Variants in DNAH7 observed in about 807,000 individuals in gnomAD.
DNAH7 encodes the protein axonemal beta dynein heavy chain 7.
A neutral mutation model predicts 444.6 loss-of-function variants in DNAH7; 397 were observed. The observed-to-expected ratio is 0.89, with a 90% CI of 0.82 to 0.97. The LOEUF (loss-of-function observed/expected upper bound fraction) is 0.97, where lower values mean the gene tolerates loss of function less well. Among genes scored for constraint, DNAH7 ranks in the 50% least tolerant of loss-of-function variants. The pLI is 0.00. For missense variants in DNAH7, 4,902 were observed against 4,800.8 expected, an observed-to-expected ratio of 1.02 and a Z score of -0.62; for synonymous variants, 1,636 against 1,624.4, an observed-to-expected ratio of 1.01 and a Z score of -0.17.
intron 1 of DNAH7, among the ~76,000 whole-genome samples, chr2:196,064,891 C>T (rs1309282005): frequency 6.6e-6 from 1 of 152,072 alleles, no homozygotes; most frequent in Non-Finnish European, 1.5e-5. Flanking sequence ...CAGCGAACTC[C>T]TTGGGCATGT....
intron 11 of DNAH7, 32 bp from the exon 12 acceptor site, chr2:196,000,915 ATATG>A (rs747521367): frequency 6.7e-7 from 1 of 1,491,312 alleles, no homozygotes; most frequent in African/African-American, 1.4e-5. Context: ...ACATACATAA[ATATG>A]TATGAATTGT....
At chr2:195,948,505 C>T (rs1000992877) in intron 19 of DNAH7, among the ~76,000 whole-genome samples, 2 of 152,138 alleles carry the variant, frequency 1.3e-5, no homozygotes, top group African/African-American at 2.4e-5. Context: ...CAGTTTTCTG[C>T]CTATGGCTAG....
intron 55 of DNAH7, among the ~76,000 whole-genome samples, chr2:195,797,621 A>G (rs1696222581): frequency 6.6e-6 from 1 of 152,180 alleles, no homozygotes; most frequent in African/African-American, 2.4e-5. Context: ...GAACACTTCC[A>G]CCATTCCCAC....
intron 31 of DNAH7, 115 bp downstream of exon 31, chr2:195,891,540 A>T: frequency 1.0e-6 from 1 of 988,994 alleles, no homozygotes; most frequent in Non-Finnish European, 1.4e-6. Flanking sequence ...ACTGTGTTTT[A>T]AATAATATCT....
Position 195,802,624 on chromosome 2 carries a change from G to A in DNAH7, c.10177-3152C>T, listed in dbSNP as rs147619386. Among the ~76,000 whole-genome samples the A allele has an allele frequency of 2.6e-3, 394 of 151,980 alleles. 1 individual carries two copies. Among genetic ancestry groups the A allele is most frequent in the Non-Finnish European group, 4.3e-3 (291 of 67,970 alleles). On this transcript the variant is annotated intron_variant, in intron 54 of 64. Coordinates refer to ENST00000312428, the MANE Select transcript of DNAH7 (RefSeq NM_018897.3). Reference sequence around the variant, plus strand: ...GTGGAGGTTGCACTGAGAGGAGATGGTGCCACTGCATTCCAGCCTGGGTGA... The same window carrying A: ...GTGGAGGTTGCACTGAGAGGAGATGATGCCACTGCATTCCAGCCTGGGTGA...
intron 53 of DNAH7, among the ~76,000 whole-genome samples, 168 bp from the exon 54 acceptor site, chr2:195,807,000 AGTT>A (rs1353346890): frequency 6.6e-6 from 1 of 152,078 alleles, no homozygotes; most frequent in Non-Finnish European, 1.5e-5. Context: ...TAATAAGAAA[AGTT>A]AATATTCTTT....
At chr2:196,021,389 T>C (rs556641838) in intron 8 of DNAH7, among the ~76,000 whole-genome samples, 3 of 152,294 alleles carry the variant, frequency 2.0e-5, no homozygotes, top group African/African-American at 7.2e-5. Context: ...TATTGCAAGT[T>C]TGGTTCAAGA....
intron 21 of DNAH7, among the ~76,000 whole-genome samples, chr2:195,934,297 T>A (rs984326637): frequency 1.3e-5 from 2 of 152,122 alleles, no homozygotes; most frequent in Non-Finnish European, 2.9e-5. Context: ...TAGAACAAAG[T>A]GTATCTAATT....
chr2:196,044,799 G>T (rs1696997418), intron 5 of DNAH7, among the ~76,000 whole-genome samples: 1 of 152,070 alleles, frequency 6.6e-6, no homozygotes, highest in African/African-American at 2.4e-5. Flanking sequence ...CAGACACAGT[G>T]GCTCACACCT....
At chr2:196,052,746 G>T (rs1339187927) in intron 2 of DNAH7, among the ~76,000 whole-genome samples, 2 of 152,274 alleles carry the variant, frequency 1.3e-5, no homozygotes, top group South Asian at 2.1e-4. Flanking sequence ...AAAGAAAAAG[G>T]GTGGAGCTAA....
intron 10 of DNAH7, among the ~76,000 whole-genome samples, chr2:196,010,358 T>C (rs917189031): frequency 5.3e-5 from 8 of 151,920 alleles, no homozygotes; most frequent in African/African-American, 1.9e-4. Context: ...CCATGTTGAT[T>C]GTGGTTTCAA....
chr2:195,882,421 A>G (rs1701439275), intron 35 of DNAH7, among the ~76,000 whole-genome samples: 1 of 152,242 alleles, frequency 6.6e-6, no homozygotes, highest in Admixed American at 6.5e-5. Flanking sequence ...AACAGTATTT[A>G]TAACATTAGC....
intron 8 of DNAH7, among the ~76,000 whole-genome samples, chr2:196,024,211 C>T (rs1179254492): frequency 6.6e-6 from 1 of 152,136 alleles, no homozygotes; most frequent in African/African-American, 2.4e-5. Context: ...GCAAAAAACC[C>T]TCACAAACCT....
chr2:196,005,618 C>T (rs1215518871), intron 10 of DNAH7, among the ~76,000 whole-genome samples: 3 of 151,698 alleles, frequency 2.0e-5, no homozygotes, highest in Non-Finnish European at 4.4e-5. Context: ...CTAGAAAAAA[C>T]GGACAAATTC....
intron 24 of DNAH7, among the ~76,000 whole-genome samples, chr2:195,919,107 G>C (rs866081737): frequency 2.6e-5 from 4 of 151,942 alleles, no homozygotes; most frequent in African/African-American, 2.4e-5. Context: ...AAAAATAGCT[G>C]GGTGTGGTGG....
rs147600595 is a variant in DNAH7, at chr2:195,739,101, G to A, written c.11869-974C>T. ...TATTTCTAACTAGCTGCTTATTCAGGAGAATCATTATCCATTTATAAATTA... is the reference window on the plus strand; with the variant it reads ...TATTTCTAACTAGCTGCTTATTCAGAAGAATCATTATCCATTTATAAATTA... On this transcript the variant is annotated intron_variant, in intron 64 of 64. Transcript: ENST00000312428. Among the ~76,000 whole-genome samples, 89 of 152,288 alleles carry A rather than the reference G, an allele frequency of 5.8e-4. 2 individuals carry two copies. In the East Asian group the frequency reaches 0.013, roughly 22 times the overall value.
intron 6 of DNAH7, 37 bp downstream of exon 6, chr2:196,027,923 C>T (rs1183638579): frequency 6.3e-7 from 1 of 1,580,256 alleles, no homozygotes; most frequent in African/African-American, 1.4e-5. Context: ...TGTTTCTTTC[C>T]TTTTCAATTA....
chr2:195,928,743 C>CAGAA (rs5837483), intron 21 of DNAH7, among the ~76,000 whole-genome samples: 146,804 of 151,972 alleles, frequency 0.97, 71,103 homozygotes, highest in Non-Finnish European at 1. Context: ...CCATATTTAA[C>CAGAA]AGAAACATTA....
chr2:195,821,451 T>A (rs541060911), intron 49 of DNAH7, among the ~76,000 whole-genome samples: 1 of 152,338 alleles, frequency 6.6e-6, no homozygotes, highest in Non-Finnish European at 1.5e-5. Context: ...GGCTGACATA[T>A]CTAACTTCTT....
Sources: allele counts gnomAD v4.1 joint callset (sites outside exome capture counted in the v4.1 genomes callset), GRCh38; gene constraint gnomAD v4.1.1; transcripts MANE v1.5; gene names NCBI Gene and HGNC (gene_info 2026-07-23, HGNC 2026-07-21).